The following NCOR2 variants were observed in gnomAD, a reference collection of about 807,000 sequenced individuals.
NCOR2 encodes the protein CTG repeat protein 26.
NCOR2 carries 81 observed loss-of-function variants against 262.9 expected under a neutral mutation model. The observed-to-expected ratio is 0.31, with a 90% CI of 0.26 to 0.37. The LOEUF (loss-of-function observed/expected upper bound fraction) is 0.37, where lower values mean the gene tolerates loss of function less well. Among genes scored for constraint, NCOR2 ranks in the 10% least tolerant of loss-of-function variants. NCOR2 has a pLI of 1.00. For synonymous variants in NCOR2, 1,659 were observed against 1,559.3 expected (o/e 1.06, Z -1.51); for missense variants, 3,385 against 3,621.4 (o/e 0.93, Z 1.68).
chr12:124,345,806 C>G (rs188913142), intron 31 of NCOR2, among the ~76,000 whole-genome samples: 1 of 152,194 alleles, frequency 6.6e-6, no homozygotes, highest in Non-Finnish European at 1.5e-5. Context: ...GAACCCCTCC[C>G]GGGACACCCA....
chr12:124,518,873 G>A (rs1462588847), intron 1 of NCOR2, among the ~76,000 whole-genome samples: 3 of 152,170 alleles, frequency 2.0e-5, no homozygotes. Flanking sequence ...TAGCTCTGGC[G>A]CCTTGGCTCC....
chr12:124,508,407 GGCTGAA>G (rs2049173404), intron 1 of NCOR2, among the ~76,000 whole-genome samples: 1 of 152,230 alleles, frequency 6.6e-6, no homozygotes, highest in Non-Finnish European at 1.5e-5. Flanking sequence ...GAGTGGCGAC[GGCTGAA>G]GCTAAGCGTC....
At chr12:124,371,673 G>T (rs1404855559) in intron 20 of NCOR2, among the ~76,000 whole-genome samples, 1 of 152,182 alleles carries the variant, frequency 6.6e-6, no homozygotes, top group Non-Finnish European at 1.5e-5. Context: ...TGGCCTCCAG[G>T]ACTGTATTTG....
chr12:124,536,867 T>C (rs1346245547), upstream of NCOR2, among the ~76,000 whole-genome samples: 1 of 152,224 alleles, frequency 6.6e-6, no homozygotes, highest in East Asian at 1.9e-4. Flanking sequence ...TGAAGCTTTA[T>C]GCACAATCGC....
rs1566353577 is a variant in NCOR2 at position 124,333,891 on chromosome 12, T to TGTGCGCGCATGTGTGTGG, written c.6605+532_6605+533insCCACACACATGCGCGCAC. On this transcript the variant is annotated intron_variant, in intron 41 of 46. Transcript: ENST00000405201. ...GCGCATGTGTGCGGGTGTGCATGTG[T>TGTGCGCGCATGTGTGTGG]GTGTGCGCGCGCATGTGTGCGGGTG... Among the ~76,000 whole-genome samples, 6 of 143,866 alleles carry TGTGCGCGCATGTGTGTGG rather than the reference T, an allele frequency of 4.2e-5. 1 individual carries two copies. The highest frequency in any genetic ancestry group is 1.4e-4 in the Admixed American group (2 of 14,610). 94.4% of individuals were successfully genotyped at this position (143,866 alleles called of 152,430 possible). A position where few individuals can be genotyped will look rare whatever the true frequency, so the allele number is the denominator to read the frequency against.
chr12:124,504,143 G>A lies in NCOR2; in HGVS notation c.-117-8775C>T, dbSNP rs1453247336. Among the ~76,000 whole-genome samples the A allele has an allele frequency of 6.6e-6, 1 of 152,218 alleles. No homozygotes were observed. The highest frequency in any genetic ancestry group is 2.1e-4 in the South Asian group (1 of 4,830). ...GCATAAACCAGCACATCTTCCCCTT[G>A]AGCTGGGTTCGAGGAGAAAGGCCGA... On this transcript the variant is annotated intron_variant, in intron 1 of 46. Transcript: ENST00000404621. The surrounding 1 kb of genome is among the most constrained non-coding windows in gnomAD (Gnocchi z 4.5).
At chr12:124,509,240 G>GGC (rs58086752) in intron 1 of NCOR2, among the ~76,000 whole-genome samples, 53,569 of 138,542 alleles carry the variant, frequency 0.39, 14,508 homozygotes, top group Non-Finnish European at 0.51. Context: ...TTTGGTGGGG[G>GGC]GGGGGGGGGC....
chr12:124,361,831 C>CCTA (rs2038609740), intron 22 of NCOR2, among the ~76,000 whole-genome samples: 1 of 50,670 alleles, frequency 2.0e-5, no homozygotes, highest in Non-Finnish European at 5.4e-5. Flanking sequence ...GGGGATTTCA[C>CCTA]ATAAGATGGA....
chr12:124,340,155 G>A (rs891472961), exon 37 of NCOR2: 2 of 1,575,044 alleles, frequency 1.3e-6, no homozygotes, highest in African/African-American at 3.1e-5. Context: ...AGGCGGGGCG[G>A]CTGCTGCTGC....
chr12:124,325,388 C>CCCCCCCCCCCGGGGGGGGGG, exon 47 of NCOR2: 2 of 693,386 alleles, frequency 2.9e-6, no homozygotes, highest in Admixed American at 5.4e-5. Context: ...CCCCCCCCCC[C>CCCCCCCCCCCGGGGGGGGGG]GCCCTGTTCT....
Position 124,362,255 on chromosome 12 carries a change from G to A in NCOR2, c.2971C>T (p.Pro991Ser), listed in dbSNP as rs1356554813. The A allele has an allele frequency of 2.3e-6, 3 of 1,317,384 alleles. No individual in the cohort carries two copies. The highest frequency in any genetic ancestry group is 2.9e-6 in the Non-Finnish European group (3 of 1,032,726). 81.6% of individuals were successfully genotyped at this position (1,317,384 alleles called of 1,614,324 possible). Reference sequence around the variant, plus strand: ...GGGGCTGGGGGAGCTGGCTTGGTGGGAGCTGCGTCCTCCCGGGGGGGCTCA... The same window carrying A: ...GGGGCTGGGGGAGCTGGCTTGGTGGAAGCTGCGTCCTCCCGGGGGGGCTCA... Residue 991 changes from proline to serine, a missense_variant, in exon 22 of 47, where the codon CCC (proline) becomes TCC (serine). Physicochemically the swap from Pro to Ser is moderately conservative, Grantham distance 74. This residue lies in a region of NCOR2 where 1,615 missense variants were observed against 1,626.9 expected (regional missense o/e 0.99). Transcript: ENST00000405201.
At chr12:124,412,546 C>T (rs1157278765) in intron 13 of NCOR2, among the ~76,000 whole-genome samples, 1 of 152,258 alleles carries the variant, frequency 6.6e-6, no homozygotes, top group Admixed American at 6.5e-5. Flanking sequence ...TCAGAGCTGC[C>T]TCATCCAAGT....
chr12:124,492,721 A>T lies in NCOR2; in HGVS notation c.105+2426T>A, dbSNP rs146460196. Reference sequence around the variant, plus strand: ...GGGTCTTGCCCTTTAAAAGGACAGGAAGGGTTTGAGGGCTGAGGGGCTTCC... The same window carrying T: ...GGGTCTTGCCCTTTAAAAGGACAGGTAGGGTTTGAGGGCTGAGGGGCTTCC... On this transcript the variant is annotated intron_variant, in intron 1 of 46. Transcript: ENST00000405201. Among the ~76,000 whole-genome samples the T allele has an allele frequency of 5.7e-3, 865 of 152,266 alleles. 23 individuals carry two copies. The East Asian group carries it at 0.064, about 11-fold the overall frequency.
At chr12:124,377,838 GA>G (rs111815361) in intron 18 of NCOR2, among the ~76,000 whole-genome samples, 32 of 125,324 alleles carry the variant, frequency 2.6e-4, no homozygotes, top group South Asian at 2.7e-4. Flanking sequence ...GACTCCGTCT[GA>G]AAAAAAAAAA....
At chr12:124,339,916 A>ACAC in intron 37 of NCOR2, 90 bp downstream of exon 39, 1 of 1,161,288 alleles carries the variant, frequency 8.6e-7, no homozygotes, top group Non-Finnish European at 1.2e-6. Context: ...CCTCCCATAT[A>ACAC]CCTCCCACCA....
chr12:124,362,139 G>T (rs200481505), exon 22 of NCOR2: 3 of 1,300,056 alleles, frequency 2.3e-6, no homozygotes, highest in South Asian at 6.4e-5. Flanking sequence ...CCTTGTCGGC[G>T]GGGGGTGCCG....
At chr12:124,372,415 G>A (rs1281938822) in exon 20 of NCOR2, 2 of 1,507,592 alleles carry the variant, frequency 1.3e-6, no homozygotes, top group African/African-American at 1.4e-5. Context: ...GGGCGTAGGG[G>A]CTCCGGTGGC....
chr12:124,490,436 G>GGATGGATT (rs1555230842), intron 1 of NCOR2, among the ~76,000 whole-genome samples: 7 of 151,972 alleles, frequency 4.6e-5, no homozygotes, highest in African/African-American at 1.7e-4. Flanking sequence ...ATGGATGGAT[G>GGATGGATT]GATGGATGGA....
intron 13 of NCOR2, among the ~76,000 whole-genome samples, chr12:124,403,413 C>T (rs926300972): frequency 3.3e-5 from 5 of 152,080 alleles, no homozygotes; most frequent in African/African-American, 1.2e-4. Context: ...CTGGGCCTAC[C>T]GCCCCTCCCC....
Sources: allele counts gnomAD v4.1 joint callset (sites outside exome capture counted in the v4.1 genomes callset), GRCh38; gene constraint gnomAD v4.1.1; regional missense constraint gnomAD v4.1.1; non-coding constraint Gnocchi (gnomAD v3.1); transcripts MANE v1.5; gene names NCBI Gene and HGNC (gene_info 2026-07-23, HGNC 2026-07-21).